The following AGL variants were observed in gnomAD, a reference collection of about 807,000 sequenced individuals.
AGL encodes the protein glycogen debranching enzyme.
In AGL, 128 loss-of-function variants were observed where a neutral mutation model predicts 199.3. The observed-to-expected ratio is 0.64, with a 90% CI of 0.56 to 0.74. The LOEUF (loss-of-function observed/expected upper bound fraction) is 0.74. Ranked by LOEUF, AGL falls within the 30% of genes least tolerant of loss-of-function variation. The probability of loss-of-function intolerance (pLI) is 0.00; values close to 1 mark genes in which losing one functional copy is unlikely to be tolerated. For synonymous variants in AGL, 584 were observed against 594.7 expected (o/e 0.98, Z 0.26); for missense variants, 1,809 against 1,820.8 (o/e 0.99, Z 0.12).
intron 24 of AGL, among the ~76,000 whole-genome samples, chr1:99,895,109 C>T (rs957513172): frequency 3.9e-5 from 6 of 152,078 alleles, no homozygotes; most frequent in Admixed American, 2.0e-4. Context: ...AGTACAATAG[C>T]GTGATCTCGG....
intron 21 of AGL, among the ~76,000 whole-genome samples, chr1:99,889,712 T>C (rs747361996): frequency 4.6e-5 from 7 of 152,248 alleles, no homozygotes; most frequent in Non-Finnish European, 8.8e-5. Context: ...ACCAAACTTG[T>C]GTGTGCTCTT....
At chr1:99,895,570 T>A (rs190736902) in intron 24 of AGL, among the ~76,000 whole-genome samples, 461 of 152,332 alleles carry the variant, frequency 3.0e-3, no homozygotes, top group Non-Finnish European at 5.6e-3. Context: ...ATGTTTAGGT[T>A]TATTTATTGT....
Position 99,864,546 on chromosome 1 carries a change from A to C in AGL, c.621A>C (p.Glu207Asp), listed in dbSNP as rs910311069. Residue 207 changes from glutamate (E) to aspartate (D), a missense_variant, in exon 5 of 34, where the codon GAA becomes GAC. Coordinates refer to ENST00000361915, the MANE Select transcript of AGL (RefSeq NM_000642.3). ...AGCTAGTGGAAAAATTAAAAAAGGA[A>C]TGGAATGTTATTTGTATTACTGATG... ...VGQLVEKLKKEWNVICITDVV... is the reference protein window; with the variant it reads ...VGQLVEKLKKDWNVICITDVV... 1 of 1,613,810 alleles carries C rather than the reference A, an allele frequency of 6.2e-7. No homozygotes were observed. The highest frequency in any genetic ancestry group is 2.2e-5 in the East Asian group (1 of 44,836).
At chr1:99,865,342 CTGAA>C (rs1650420956) in intron 5 of AGL, among the ~76,000 whole-genome samples, 1 of 152,092 alleles carries the variant, frequency 6.6e-6, no homozygotes, top group Non-Finnish European at 1.5e-5. Context: ...TATGAAAAAA[CTGAA>C]TGACTTCTAT....
At position 99,881,314 on chromosome 1, in the gene AGL, G is replaced by A. The variant is rs752995564; in HGVS notation, c.2024G>A (p.Arg675Gln). 39 of 1,613,886 alleles carry A rather than the reference G, an allele frequency of 2.4e-5. No homozygotes were observed. The highest frequency in any genetic ancestry group is 9.9e-5 in the South Asian group (9 of 91,088). The change falls in exon 16 of 34, where the codon CGG becomes CAG. Residue 675 changes from arginine to glutamine, a missense_variant. Coordinates refer to ENST00000361915, the MANE Select transcript of AGL (RefSeq NM_000642.3). ...PHQISVVSEE[R>Q]FYTKWNPEAL... ...CAGATTTCAGTGGTTTCTGAAGAAC[G>A]GTTTTACACTAAGTGGAATCCTGAA...
chr1:99,921,802 A>AT lies in AGL; in HGVS notation c.*159dup, dbSNP rs1179590151. 8.2e-5 allele frequency: 43 copies of AT among 523,498 alleles called. No individual in the cohort carries two copies. The highest frequency in any genetic ancestry group is 3.9e-4 in the East Asian group (13 of 33,344). 32.4% of individuals were successfully genotyped at this position (523,498 alleles called of 1,614,324 possible). On this transcript the variant is annotated 3_prime_UTR_variant, in exon 34 of 34. Transcript: ENST00000361915. Reference sequence around the variant, plus strand: ...ATTAGGTAAGATTGTAAAAGCATTGATTTTTTTTAATGTACAGAGGTAGAT... The same window carrying AT: ...ATTAGGTAAGATTGTAAAAGCATTGATTTTTTTTTAATGTACAGAGGTAGAT...
intron 6 of AGL, 75 bp from the exon 7 acceptor site, chr1:99,870,683 A>G (rs1650917088): frequency 6.9e-7 from 1 of 1,453,534 alleles, no homozygotes; most frequent in African/African-American, 1.4e-5. Context: ...TTTTAATATG[A>G]TAAACAGTAT....
At chr1:99,876,049 A>G (rs1452681720) in intron 10 of AGL, among the ~76,000 whole-genome samples, 1 of 152,122 alleles carries the variant, frequency 6.6e-6, no homozygotes, top group African/African-American at 2.4e-5. Flanking sequence ...TAATTTTTGT[A>G]GTTTTAGTAG....
At chr1:99,852,588 T>C (rs1171204873) in intron 2 of AGL, 1 of 698,678 alleles carries the variant, frequency 1.4e-6, no homozygotes, top group African/African-American at 1.8e-5. Flanking sequence ...GTTGCCCAGG[T>C]TGATATTGAA....
intron 27 of AGL, among the ~76,000 whole-genome samples, chr1:99,904,582 T>G (rs551510968): frequency 6.6e-6 from 1 of 152,198 alleles, no homozygotes; most frequent in East Asian, 1.9e-4. Context: ...ACCATAAAGA[T>G]CTTTGTGTAC....
chr1:99,863,608 C>T (rs1354723879), intron 4 of AGL, among the ~76,000 whole-genome samples: 2 of 151,998 alleles, frequency 1.3e-5, no homozygotes, highest in Non-Finnish European at 2.9e-5. Context: ...CGCCTGCCAC[C>T]ACGCCTGGCT....
chr1:99,854,929 G>A (rs760305110), intron 2 of AGL, among the ~76,000 whole-genome samples: 10 of 152,004 alleles, frequency 6.6e-5, no homozygotes, highest in Non-Finnish European at 1.3e-4. Context: ...GGCCAGGCGC[G>A]GTGGCTCACA....
intron 7 of AGL, 22 bp downstream of exon 7, chr1:99,870,891 G>A (rs1650939004): frequency 7.2e-7 from 1 of 1,381,534 alleles, no homozygotes. Flanking sequence ...ATACTAGAAT[G>A]TTCCTATCGA....
intron 27 of AGL, among the ~76,000 whole-genome samples, chr1:99,904,504 G>A (rs549164835): frequency 1.2e-4 from 11 of 93,798 alleles, no homozygotes; most frequent in East Asian, 2.9e-4. Context: ...GTGTAGATCC[G>A]TGCAATTTGA....
At position 99,902,223 on chromosome 1, in the gene AGL, C is replaced by A. The variant is rs183736988; in HGVS notation, c.3589-460C>A. Reference sequence around the variant, plus strand: ...GGGTAAAGAAAATGACTTATGAATTCTTTACATTCACTGGGGTATTTTCCA... The same window carrying A: ...GGGTAAAGAAAATGACTTATGAATTATTTACATTCACTGGGGTATTTTCCA... On this transcript the variant is annotated intron_variant, in intron 26 of 33. Coordinates refer to ENST00000361915, the MANE Select transcript of AGL (RefSeq NM_000642.3). Among the ~76,000 whole-genome samples the A allele has an allele frequency of 2.8e-3, 432 of 152,172 alleles. 3 individuals are homozygous for A. The highest frequency in any genetic ancestry group is 0.01 in the African/African-American group (417 of 41,538).
In AGL at chr1:99,888,157, A is replaced by T. The variant is rs528746941; in HGVS notation, c.2812+49A>T. On this transcript the variant is annotated intron_variant, in intron 21 of 33. Transcript: ENST00000361915. ...AGCTTTGTGTTTTTCTTTTAGGGTC[A>T]TCTGGTGTCTTCTTTACAGACATAG... is the stretch of plus-strand genomic sequence containing the variant. 2.2e-5 allele frequency: 36 copies of T among 1,605,498 alleles called. No homozygotes were observed. The African/African-American group carries it at 4.1e-4, about 18-fold the overall frequency.
intron 21 of AGL, 100 bp from the exon 22 acceptor site, chr1:99,891,120 C>G: frequency 1.3e-6 from 2 of 1,482,964 alleles, no homozygotes; most frequent in Non-Finnish European, 1.9e-6. Context: ...CGTATTCACC[C>G]CAAATCACTA....
chr1:99,895,242 G>C (rs894874491), intron 24 of AGL, among the ~76,000 whole-genome samples: 2 of 152,042 alleles, frequency 1.3e-5, no homozygotes, highest in Non-Finnish European at 2.9e-5. Flanking sequence ...TGGAGATGGG[G>C]TTTCACCATG....
intron 5 of AGL, 151 bp from the exon 6 acceptor site, chr1:99,870,249 T>C: frequency 1.3e-6 from 1 of 784,678 alleles, no homozygotes; most frequent in Non-Finnish European, 2.0e-6. Flanking sequence ...AAGAAAAAAC[T>C]TTTCCTGTAA....
Sources: allele counts gnomAD v4.1 joint callset (sites outside exome capture counted in the v4.1 genomes callset), GRCh38; gene constraint gnomAD v4.1.1; transcripts MANE v1.5; gene names NCBI Gene and HGNC (gene_info 2026-07-23, HGNC 2026-07-21).